CHRNA3: variants seen among roughly 807,000 people sequenced by gnomAD.
The protein encoded by CHRNA3 is neuronal acetylcholine receptor subunit alpha-3.
In CHRNA3, 34 loss-of-function variants were observed where a neutral mutation model predicts 41.9. The ratio of observed to expected loss-of-function variants is 0.81; its 90% CI spans 0.62 to 1.08. The LOEUF (loss-of-function observed/expected upper bound fraction) is 1.08, where lower values mean the gene tolerates loss of function less well. CHRNA3 is among the 50% of genes least tolerant of loss of function. The pLI, the probability that CHRNA3 is intolerant of heterozygous loss-of-function variation, is 0.00. For missense variants in CHRNA3, 542 were observed against 638.3 expected, an observed-to-expected ratio of 0.85 and a Z score of 1.63; for synonymous variants, 281 against 265.2, an observed-to-expected ratio of 1.06 and a Z score of -0.58.
chr15:78,620,638 G>A, intron 1 of CHRNA3, 75 bp downstream of exon 1: 1 of 1,460,552 alleles, frequency 6.8e-7, no homozygotes, highest in Non-Finnish European at 9.0e-7. Flanking sequence ...CGGTGTTCTC[G>A]CCGGCAGCCC....
At chr15:78,618,956 C>T in intron 1 of CHRNA3, 41 bp from the exon 2 acceptor site, 1 of 1,605,386 alleles carries the variant, frequency 6.2e-7, no homozygotes, top group Non-Finnish European at 8.5e-7. Flanking sequence ...GAAATCGTTA[C>T]TTAACCTCCC....
Position 78,620,907 on chromosome 15 carries a change from G to A in CHRNA3, c.-113C>T. 1 of 1,225,334 alleles carries A rather than the reference G, an allele frequency of 8.2e-7. No individual in the cohort carries two copies. The highest frequency in any genetic ancestry group is 1.0e-6 in the Non-Finnish European group (1 of 979,442). The allele number at this position is 1,225,334 out of a possible 1,614,324, so 75.9% of individuals were successfully genotyped here. On this transcript the variant is annotated 5_prime_UTR_variant, in exon 1 of 6. Coordinates refer to ENST00000326828, the MANE Select transcript of CHRNA3 (RefSeq NM_000743.5). ...GCAGACCCCAGACCTGGAGCCGTGC[G>A]GGCGGAGACGCGCGGGGCTCCTCTC...
intron 4 of CHRNA3, among the ~76,000 whole-genome samples, chr15:78,609,555 C>T (rs2053349833): frequency 6.6e-6 from 1 of 152,140 alleles, no homozygotes; most frequent in African/African-American, 2.4e-5. Context: ...ACCAGGCCTG[C>T]CCTAAAAGAG....
At chr15:78,608,673 C>A (rs890633935) in intron 4 of CHRNA3, among the ~76,000 whole-genome samples, 1 of 152,154 alleles carries the variant, frequency 6.6e-6, no homozygotes, top group Non-Finnish European at 1.5e-5. Context: ...AATCAGAGCA[C>A]CTCTCCTCCT....
intron 4 of CHRNA3, among the ~76,000 whole-genome samples, chr15:78,613,786 C>A (rs9646187): frequency 0.44 from 41,604 of 94,804 alleles, 7,217 homozygotes; most frequent in Non-Finnish European, 0.49. Context: ...CCAAAAAAAA[C>A]CACAAAAAAA....
chr15:78,610,875 T>G (rs1333616957), intron 4 of CHRNA3, among the ~76,000 whole-genome samples: 2 of 152,078 alleles, frequency 1.3e-5, no homozygotes, highest in Non-Finnish European at 2.9e-5. Flanking sequence ...GCAATAAAAA[T>G]TGATAAAGGG....
rs2053470163 is a variant in CHRNA3, at chr15:78,616,880, G to A, written c.377+144C>T. The A allele has an allele frequency of 2.0e-5, 12 of 595,080 alleles. No individual in the cohort carries two copies. The South Asian group carries it at 2.3e-4, about 11-fold the overall frequency. The allele number at this position is 595,080 out of a possible 1,614,324, so 36.9% of individuals were successfully genotyped here. A position where few individuals can be genotyped will look rare whatever the true frequency, so the allele number is the denominator to read the frequency against. On this transcript the variant is annotated intron_variant, in intron 4 of 5. Transcript: ENST00000326828. ...CTCTGGTACCTGGTATGTAGTAGTT[G>A]CTGATTACATACCTATGGACTGAAC...
At chr15:78,606,678 G>A (rs1255779558) in intron 4 of CHRNA3, among the ~76,000 whole-genome samples, 8 of 151,316 alleles carry the variant, frequency 5.3e-5, no homozygotes, top group South Asian at 2.1e-4. Flanking sequence ...AGTGGATGAC[G>A]AGGTCAGGAG....
intron 4 of CHRNA3, among the ~76,000 whole-genome samples, chr15:78,613,957 A>AG (rs1567089276): frequency 1.3e-5 from 2 of 151,288 alleles, no homozygotes; most frequent in Non-Finnish European, 2.9e-5. Context: ...GGGTGGGGGG[A>AG]AAAAAAAGAA....
chr15:78,600,568 G>A (rs947825918), intron 5 of CHRNA3, among the ~76,000 whole-genome samples: 2 of 152,174 alleles, frequency 1.3e-5, no homozygotes, highest in African/African-American at 4.8e-5. Context: ...TCCTCAGTGA[G>A]AACACATATA....
intron 4 of CHRNA3, among the ~76,000 whole-genome samples, chr15:78,606,343 A>C (rs940147435): frequency 2.6e-5 from 4 of 151,706 alleles, no homozygotes; most frequent in African/African-American, 9.7e-5. Context: ...CAAAAAAAAA[A>C]AAAAAAATAC....
chr15:78,593,401 T>C, downstream of CHRNA3: 1 of 715,508 alleles, frequency 1.4e-6, no homozygotes, highest in Non-Finnish European at 2.1e-6. Context: ...TAACAGATGA[T>C]CCATTTGAAC....
intron 4 of CHRNA3, among the ~76,000 whole-genome samples, chr15:78,602,695 C>T (rs572077040): frequency 5.9e-5 from 9 of 152,294 alleles, no homozygotes; most frequent in African/African-American, 1.4e-4. Context: ...CTGTACCGGG[C>T]GCCTAATGTG....
In CHRNA3 at chr15:78,596,555, T is replaced by C; in HGVS notation, c.*49A>G. ...ACGTTCTTACTAGGAAGCAGCCTCCTCCTGCCCTGACACAAGGAAGTCTCC... is the reference window on the plus strand; with the variant it reads ...ACGTTCTTACTAGGAAGCAGCCTCCCCCTGCCCTGACACAAGGAAGTCTCC... On this transcript the variant is annotated 3_prime_UTR_variant, in exon 6 of 6. Coordinates refer to ENST00000326828, the MANE Select transcript of CHRNA3 (RefSeq NM_000743.5). 1 of 1,439,792 alleles carries C rather than the reference T, an allele frequency of 6.9e-7. No homozygotes were observed. Among genetic ancestry groups the C allele is most frequent in the Non-Finnish European group, 9.1e-7 (1 of 1,093,702 alleles). 89.2% of individuals were successfully genotyped at this position (1,439,792 alleles called of 1,614,324 possible).
At chr15:78,605,872 TGACTGTGGA>T (rs1324295658) in intron 4 of CHRNA3, among the ~76,000 whole-genome samples, 2 of 152,160 alleles carry the variant, frequency 1.3e-5, no homozygotes, top group East Asian at 3.8e-4. Flanking sequence ...TGAGGTGTCA[TGACTGTGGA>T]GACTGGGGAG....
chr15:78,600,319 C>T (rs7359276), intron 5 of CHRNA3, among the ~76,000 whole-genome samples: 98,442 of 151,946 alleles, frequency 0.65, 33,623 homozygotes, highest in Non-Finnish European at 0.77. Context: ...AAGCCATCCA[C>T]CTGCCTCAGC....
chr15:78,598,966 T>C (rs988814807), intron 5 of CHRNA3, among the ~76,000 whole-genome samples: 1 of 151,696 alleles, frequency 6.6e-6, no homozygotes, highest in African/African-American at 2.4e-5. Context: ...CCCGAGTAGC[T>C]AAGATTACAG....
intron 4 of CHRNA3, among the ~76,000 whole-genome samples, chr15:78,612,261 C>G (rs939595292): frequency 6.0e-5 from 9 of 150,590 alleles, no homozygotes; most frequent in Non-Finnish European, 1.3e-4. Flanking sequence ...ATCGCCAAGT[C>G]AATCCTAAGC....
chr15:78,615,318 GAGAGT>G (rs892962243), intron 4 of CHRNA3, among the ~76,000 whole-genome samples: 30 of 152,344 alleles, frequency 2.0e-4, no homozygotes, highest in Admixed American at 3.9e-4. Context: ...TTGCTGTTGG[GAGAGT>G]AGAGAAGAGG....
Sources: gnomAD v4.1 joint callset for allele counts (sites outside exome capture counted in the v4.1 genomes callset) on GRCh38, gnomAD v4.1.1 for gene constraint, MANE v1.5 for transcripts, NCBI Gene and HGNC (gene_info 2026-07-23, HGNC 2026-07-21) for gene names.